The following KIF2A variants were observed in gnomAD, a reference collection of about 807,000 sequenced individuals.
KIF2A encodes the protein kinesin-like protein KIF2A.
Under a neutral mutation model 100.2 loss-of-function variants are expected in KIF2A, and 22 were observed. That is an observed-to-expected ratio of 0.22 (90% CI 0.16 to 0.31). KIF2A has a LOEUF of 0.31. Ranked by LOEUF, KIF2A falls within the 10% of genes least tolerant of loss-of-function variation. The probability of loss-of-function intolerance (pLI) is 1.00; values close to 1 mark genes in which losing one functional copy is unlikely to be tolerated. For synonymous variants in KIF2A, 268 were observed against 285.9 expected, an observed-to-expected ratio of 0.94 and a Z score of 0.63; for missense variants, 495 against 898.7, an observed-to-expected ratio of 0.55 and a Z score of 5.74.
chr5:62,315,325 T>G (rs552121349), intron 1 of KIF2A, among the ~76,000 whole-genome samples: 2 of 151,718 alleles, frequency 1.3e-5, no homozygotes, highest in African/African-American at 4.8e-5. Context: ...CTGTCTGGTA[T>G]GTAGTCTAGG....
chr5:62,373,612 T>C lies in KIF2A; in HGVS notation c.1761-75T>C, dbSNP rs940606369. The stretch of plus-strand genomic sequence containing the variant: ...TAGTATGTTAACTGAATTGCGTGTA[T>C]ATTGAATAGGCTGGTATTTTCTCGT... On this transcript the variant is annotated intron_variant, in intron 17 of 20. Coordinates refer to ENST00000407818, the MANE Select transcript of KIF2A (RefSeq NM_001098511.3). 7 of 1,044,900 alleles carry C rather than the reference T, an allele frequency of 6.7e-6. No homozygotes were observed. The African/African-American group carries it at 1.1e-4, about 17-fold the overall frequency. 64.7% of individuals were successfully genotyped at this position (1,044,900 alleles called of 1,614,324 possible).
At chr5:62,370,621 G>A (rs547244258) in intron 16 of KIF2A, among the ~76,000 whole-genome samples, 3 of 151,950 alleles carry the variant, frequency 2.0e-5, no homozygotes, top group Non-Finnish European at 4.4e-5. Flanking sequence ...TTTTAGAGGA[G>A]AGTACAAGGG....
intron 18 of KIF2A, among the ~76,000 whole-genome samples, chr5:62,376,787 A>G (rs812510): frequency 0.97 from 147,216 of 152,134 alleles, 71,254 homozygotes; most frequent in East Asian, 1. Context: ...CATGGCCTGG[A>G]ATCAGAGAAG....
At chr5:62,350,932 T>TAAAAAAAAAAAA in intron 4 of KIF2A, among the ~76,000 whole-genome samples, 1 of 151,384 alleles carries the variant, frequency 6.6e-6, no homozygotes, top group Non-Finnish European at 1.5e-5. Context: ...AAAAGATTTT[T>TAAAAAAAAAAAA]AAAATGTATG....
chr5:62,385,220 CAG>C (rs980567920), intron 20 of KIF2A, among the ~76,000 whole-genome samples: 16 of 151,266 alleles, frequency 1.1e-4, no homozygotes, highest in Non-Finnish European at 2.9e-5. Context: ...TAAATTAAAA[CAG>C]AGAACTGTAA....
In KIF2A at chr5:62,385,582, T is replaced by C. The variant is rs1741987034; in HGVS notation, c.*13T>C. ...CCGTGCCCTTTAAACCGGCATTTGCTGCTAAAGGATACCCAGAACCCTCAC... is the reference window on the plus strand; with the variant it reads ...CCGTGCCCTTTAAACCGGCATTTGCCGCTAAAGGATACCCAGAACCCTCAC... On this transcript the variant is annotated 3_prime_UTR_variant, in exon 21 of 21. Coordinates refer to ENST00000407818, the MANE Select transcript of KIF2A (RefSeq NM_001098511.3). 1.3e-5 allele frequency: 20 copies of C among 1,561,428 alleles called. No homozygotes were observed. The highest frequency in any genetic ancestry group is 1.7e-5 in the Non-Finnish European group (20 of 1,147,958).
chr5:62,332,641 T>C (rs953827446), intron 1 of KIF2A, among the ~76,000 whole-genome samples: 5 of 152,184 alleles, frequency 3.3e-5, no homozygotes, highest in Admixed American at 1.3e-4. Context: ...CATATGAAAT[T>C]GTCATTTTTT....
chr5:62,385,664 G>A lies in KIF2A; in HGVS notation c.*95G>A, dbSNP rs1385111481. The A allele has an allele frequency of 1.2e-6, 1 of 817,164 alleles. No individual in the cohort carries two copies. The highest frequency in any genetic ancestry group is 1.7e-5 in the African/African-American group (1 of 57,864). The allele number at this position is 817,164 out of a possible 1,614,324, so 50.6% of individuals were successfully genotyped here. A position where few individuals can be genotyped will look rare whatever the true frequency, so the allele number is the denominator to read the frequency against. On this transcript the variant is annotated 3_prime_UTR_variant, in exon 21 of 21. Coordinates refer to ENST00000407818, the MANE Select transcript of KIF2A (RefSeq NM_001098511.3). The stretch of plus-strand genomic sequence containing the variant: ...GCCATTTGAAAGTTTGGAATTTTAA[G>A]TGTCTGTGGAAAATGTTTTGTCCTT...
chr5:62,330,433 C>T (rs866310268), intron 1 of KIF2A, among the ~76,000 whole-genome samples: 1 of 152,124 alleles, frequency 6.6e-6, no homozygotes, highest in Non-Finnish European at 1.5e-5. Context: ...AAAGGTTTTA[C>T]CATCAATGTG....
chr5:62,331,462 C>G (rs566794490), intron 1 of KIF2A, among the ~76,000 whole-genome samples: 1 of 151,884 alleles, frequency 6.6e-6, no homozygotes, highest in Non-Finnish European at 1.5e-5. Flanking sequence ...GTGGCATATG[C>G]CTGTAATCCC....
At chr5:62,319,553 G>A (rs892392000) in intron 1 of KIF2A, among the ~76,000 whole-genome samples, 1 of 152,160 alleles carries the variant, frequency 6.6e-6, no homozygotes, top group African/African-American at 2.4e-5. Context: ...AAAACTCATT[G>A]TATTGTATTA....
At position 62,358,426 on chromosome 5, in the gene KIF2A, CAA is replaced by C. The variant is rs547925306; in HGVS notation, c.872+129_872+130del. Reference sequence around the variant, plus strand: ...TATGCTGTTTTATTCTGAGTTTAAACAAAGAGAATGTAATAAATGCTGTAATG... The same window carrying C: ...TATGCTGTTTTATTCTGAGTTTAAACAGAGAATGTAATAAATGCTGTAATG... On this transcript the variant is annotated intron_variant, in intron 9 of 20. Transcript: ENST00000407818. 2.6e-4 allele frequency: 154 copies of C among 596,626 alleles called. 3 individuals are homozygous for C. The South Asian group carries it at 3.9e-3, about 15-fold the overall frequency. The allele number at this position is 596,626 out of a possible 1,614,324, so 37.0% of individuals were successfully genotyped here. A position where few individuals can be genotyped will look rare whatever the true frequency, so the allele number is the denominator to read the frequency against.
At chr5:62,383,613 T>G (rs1448697502) in intron 20 of KIF2A, among the ~76,000 whole-genome samples, 1 of 152,208 alleles carries the variant, frequency 6.6e-6, no homozygotes, top group African/African-American at 2.4e-5. Context: ...GTTGGTTATT[T>G]GAAATCATAT....
chr5:62,365,494 C>T (rs1741022742), intron 15 of KIF2A, 141 bp downstream of exon 15: 2 of 523,006 alleles, frequency 3.8e-6, no homozygotes, highest in South Asian at 2.9e-5. Flanking sequence ...AAGATGTGGT[C>T]CCTGCCACTC....
intron 1 of KIF2A, among the ~76,000 whole-genome samples, chr5:62,315,333 A>G (rs1385541425): frequency 6.6e-6 from 1 of 151,536 alleles, no homozygotes; most frequent in Non-Finnish European, 1.5e-5. Flanking sequence ...TATGTAGTCT[A>G]GGTATCAGTA....
chr5:62,309,854 G>A (rs1745476571), intron 1 of KIF2A, among the ~76,000 whole-genome samples: 1 of 152,048 alleles, frequency 6.6e-6, no homozygotes. Context: ...ATCCTAATGA[G>A]TCTTCACTGA....
At chr5:62,341,254 C>T (rs1747275148) in intron 1 of KIF2A, among the ~76,000 whole-genome samples, 1 of 151,736 alleles carries the variant, frequency 6.6e-6, no homozygotes, top group Non-Finnish European at 1.5e-5. Context: ...TGGTTGAGGT[C>T]ATAGAGGTTC....
At chr5:62,330,977 A>G (rs1746602447) in intron 1 of KIF2A, among the ~76,000 whole-genome samples, 1 of 152,220 alleles carries the variant, frequency 6.6e-6, no homozygotes, top group South Asian at 2.1e-4. Context: ...TTTTAAATTT[A>G]TCATACTTTA....
chr5:62,364,989 A>T (rs1021798383), intron 14 of KIF2A, among the ~76,000 whole-genome samples: 55 of 152,168 alleles, frequency 3.6e-4, no homozygotes, highest in Admixed American at 9.8e-4. Context: ...GCTACTTGGG[A>T]GGCTGGGGTA....
Sources: gnomAD v4.1 joint callset for allele counts (sites outside exome capture counted in the v4.1 genomes callset) on GRCh38, gnomAD v4.1.1 for gene constraint, MANE v1.5 for transcripts, NCBI Gene and HGNC (gene_info 2026-07-23, HGNC 2026-07-21) for gene names.